The following PKD2 variants were observed in gnomAD, a reference collection of about 807,000 sequenced individuals.
PKD2 encodes the protein polycystin 2, transient receptor potential cation channel, also known as polycystin-2.
In PKD2, 48 loss-of-function variants were observed where a neutral mutation model predicts 105.9. That is an observed-to-expected ratio of 0.45 (90% CI 0.36 to 0.58). PKD2 has a LOEUF of 0.58. PKD2 is among the 20% of genes least tolerant of loss of function. The probability of loss-of-function intolerance (pLI) is 0.00; values close to 1 mark genes in which losing one functional copy is unlikely to be tolerated. For missense variants in PKD2, 1,078 were observed against 1,255.3 expected, an observed-to-expected ratio of 0.86 and a Z score of 2.13; for synonymous variants, 464 against 481.1, an observed-to-expected ratio of 0.96 and a Z score of 0.46.
At chr4:88,060,288 C>A (rs530137270) in intron 9 of PKD2, among the ~76,000 whole-genome samples, 2 of 152,244 alleles carry the variant, frequency 1.3e-5, no homozygotes, top group Admixed American at 1.3e-4. Context: ...TAGTCAAAAA[C>A]TTATATGTAT....
intron 2 of PKD2, among the ~76,000 whole-genome samples, chr4:88,035,481 G>C (rs1228722745): frequency 6.6e-6 from 1 of 152,138 alleles, no homozygotes; most frequent in Non-Finnish European, 1.5e-5. Flanking sequence ...CACTCAAAAA[G>C]TTACTACCTC....
In PKD2 at chr4:88,019,644, G is replaced by A; in HGVS notation, c.709+73G>A. 4.7e-6 allele frequency: 4 copies of A among 859,118 alleles called. No homozygotes were observed. In the South Asian group the frequency reaches 5.4e-5, roughly 12 times the overall value. 53.2% of individuals were successfully genotyped at this position (859,118 alleles called of 1,614,324 possible). A position where few individuals can be genotyped will look rare whatever the true frequency, so the allele number is the denominator to read the frequency against. ...TGACCTATCCAAATCATAATTAAAA[G>A]GAAGTGTGTATGCACCAGAGGGGCA... On this transcript the variant is annotated intron_variant, in intron 2 of 14. Coordinates refer to ENST00000237596, the MANE Select transcript of PKD2 (RefSeq NM_000297.4).
intron 2 of PKD2, among the ~76,000 whole-genome samples, chr4:88,029,910 A>G (rs1444154949): frequency 1.3e-5 from 2 of 152,230 alleles, no homozygotes; most frequent in African/African-American, 4.8e-5. Flanking sequence ...AGATCATCAA[A>G]TGAAGATGGA....
In PKD2 at chr4:88,019,478, A is replaced by G. The variant is rs776869839; in HGVS notation, c.616A>G (p.Met206Val). The G allele has an allele frequency of 1.3e-6, 2 of 1,588,332 alleles. No individual in the cohort carries two copies. The highest frequency in any genetic ancestry group is 4.5e-5 in the East Asian group (2 of 44,750). Residue 206 changes from methionine to valine, a missense_variant, in exon 2 of 15, where the codon ATG (methionine) becomes GTG (valine). Met to Val is a conservative substitution (Grantham distance 21). This residue lies in a region of PKD2 where 868 missense variants were observed against 1,067.3 expected (regional missense o/e 0.81). Transcript: ENST00000237596. The part of the protein sequence containing the change: ...GLRGLWGTRL[M>V]EESSTNREKY... ...TAAAGGTCTCTGGGGAACAAGACTC[A>G]TGGAGGAAAGCAGCACTAACCGAGA...
At chr4:88,047,969 C>T (rs931807766) in intron 6 of PKD2, among the ~76,000 whole-genome samples, 1 of 152,294 alleles carries the variant, frequency 6.6e-6, no homozygotes, top group East Asian at 1.9e-4. Context: ...ATCCTTATCA[C>T]TTAATTAAGC....
chr4:88,061,424 T>C (rs1720566770), intron 9 of PKD2, among the ~76,000 whole-genome samples: 1 of 152,162 alleles, frequency 6.6e-6, no homozygotes, highest in Non-Finnish European at 1.5e-5. Flanking sequence ...TCCCAAAACA[T>C]GTGGCAGCAA....
At chr4:88,067,031 T>G (rs1174827077) in intron 12 of PKD2, among the ~76,000 whole-genome samples, 1 of 152,178 alleles carries the variant, frequency 6.6e-6, no homozygotes, top group Non-Finnish European at 1.5e-5. Context: ...TGACATTACA[T>G]CTTTCCTACT....
Position 88,007,830 on chromosome 4 carries a change from T to C in PKD2, c.97T>C (p.Cys33Arg), listed in dbSNP as rs1726226438. ...GGACCCGGGCCGGCTGATGGCTGGCTGCGCGGCCGTGGGCGCCAGCCTCGC... is the reference window on the plus strand; with the variant it reads ...GGACCCGGGCCGGCTGATGGCTGGCCGCGCGGCCGTGGGCGCCAGCCTCGC... ...APDPGRLMAG[C>R]AAVGASLAAP... The change falls in exon 1 of 15, where the codon TGC becomes CGC. Residue 33 changes from cysteine (C) to arginine (R), a missense_variant. By Grantham distance (180) the Cys-to-Arg change is radical (BLOSUM62 -3). This residue lies in a region of PKD2 where 210 missense variants were observed against 187.9 expected (regional missense o/e 1.12). Transcript: ENST00000237596. 2 of 1,191,202 alleles carry C rather than the reference T, an allele frequency of 1.7e-6. No individual in the cohort carries two copies. Among genetic ancestry groups the C allele is most frequent in the Admixed American group, 4.6e-5 (1 of 21,846 alleles). 73.8% of individuals were successfully genotyped at this position (1,191,202 alleles called of 1,614,324 possible).
chr4:88,019,764 T>G (rs1017182719), intron 2 of PKD2, among the ~76,000 whole-genome samples, 193 bp downstream of exon 2: 28 of 152,322 alleles, frequency 1.8e-4, no homozygotes, highest in Admixed American at 1.8e-3. Context: ...AATGCAAGCT[T>G]TATAAGAGAA....
chr4:88,033,426 C>CAAA (rs773009545), intron 2 of PKD2, among the ~76,000 whole-genome samples: 1 of 114,818 alleles, frequency 8.7e-6, no homozygotes, highest in Non-Finnish European at 1.8e-5. Context: ...GACCTTATCT[C>CAAA]AAAAAAAAAA....
intron 4 of PKD2, among the ~76,000 whole-genome samples, chr4:88,039,259 G>T (rs1727461616): frequency 6.6e-6 from 1 of 152,112 alleles, no homozygotes; most frequent in African/African-American, 2.4e-5. Context: ...GAGTTGCCCA[G>T]AATCCACATT....
At chr4:88,042,473 A>T (rs953105011) in intron 4 of PKD2, among the ~76,000 whole-genome samples, 4 of 152,142 alleles carry the variant, frequency 2.6e-5, no homozygotes, top group African/African-American at 9.7e-5. Flanking sequence ...TTGGTTGGGG[A>T]CACAGCCAAC....
chr4:88,068,765 C>T (rs2110142318), intron 13 of PKD2, among the ~76,000 whole-genome samples: 1 of 152,274 alleles, frequency 6.6e-6, no homozygotes, highest in South Asian at 2.1e-4. Flanking sequence ...AGTTTGTTTA[C>T]AGTTTTATTC....
At chr4:88,053,910 A>C (rs1285288352) in intron 7 of PKD2, among the ~76,000 whole-genome samples, 1 of 152,148 alleles carries the variant, frequency 6.6e-6, no homozygotes, top group Non-Finnish European at 1.5e-5. Flanking sequence ...GGCTAGTAGG[A>C]CCAAGGGACT....
intron 2 of PKD2, among the ~76,000 whole-genome samples, chr4:88,027,980 A>G (rs1727017039): frequency 6.6e-6 from 1 of 152,230 alleles, no homozygotes; most frequent in Admixed American, 6.5e-5. Flanking sequence ...ATTCTCAGGC[A>G]GTTCTTTATA....
chr4:88,030,033 G>A lies in PKD2; in HGVS notation c.710-6187G>A, dbSNP rs143974372. On this transcript the variant is annotated intron_variant, in intron 2 of 14. Coordinates refer to ENST00000237596, the MANE Select transcript of PKD2 (RefSeq NM_000297.4). ...ACAAGATTCCTTTAAGTTTTAAGAGGCCTCGAAATATGAACCACAGATTAG... is the reference window on the plus strand; with the variant it reads ...ACAAGATTCCTTTAAGTTTTAAGAGACCTCGAAATATGAACCACAGATTAG... Among the ~76,000 whole-genome samples the A allele has an allele frequency of 6.4e-3, 975 of 152,280 alleles. 6 individuals carry two copies. Among genetic ancestry groups the A allele is most frequent in the Non-Finnish European group, 9.6e-3 (650 of 68,018 alleles).
intron 2 of PKD2, among the ~76,000 whole-genome samples, chr4:88,025,613 CAAA>C (rs35551347): frequency 5.1e-5 from 5 of 98,726 alleles, no homozygotes; most frequent in Admixed American, 1.1e-4. Flanking sequence ...GACCCTGTCT[CAAA>C]AAAAAAAAAA....
chr4:88,030,038 G>A (rs749637996), intron 2 of PKD2, among the ~76,000 whole-genome samples: 11 of 152,282 alleles, frequency 7.2e-5, no homozygotes, highest in South Asian at 4.1e-4. Context: ...AAGAGGCCTC[G>A]AAATATGAAC....
chr4:88,052,645 A>G (rs546832369), intron 7 of PKD2, among the ~76,000 whole-genome samples: 1 of 152,304 alleles, frequency 6.6e-6, no homozygotes, highest in East Asian at 1.9e-4. Flanking sequence ...TACTTCTGCT[A>G]TCTGAATTAG....
Sources: gnomAD v4.1 joint callset for allele counts (sites outside exome capture counted in the v4.1 genomes callset) on GRCh38, gnomAD v4.1.1 for gene constraint, gnomAD v4.1.1 regional missense constraint, MANE v1.5 for transcripts, NCBI Gene and HGNC (gene_info 2026-07-23, HGNC 2026-07-21) for gene names.